Variants in ALK observed in about 807,000 individuals in gnomAD.
ALK encodes the protein ALK receptor tyrosine kinase.
A neutral mutation model predicts 163.1 loss-of-function variants in ALK; 74 were observed. The ratio of observed to expected loss-of-function variants is 0.45; its 90% CI spans 0.38 to 0.55. The LOEUF (loss-of-function observed/expected upper bound fraction) is 0.55. Among genes scored for constraint, ALK ranks in the 20% least tolerant of loss-of-function variants. The pLI, the probability that ALK is intolerant of heterozygous loss-of-function variation, is 0.00. For synonymous variants in ALK, 960 were observed against 843.2 expected (o/e 1.14, Z -2.40); for missense variants, 2,063 against 2,105.3 (o/e 0.98, Z 0.39).
intron 1 of ALK, among the ~76,000 whole-genome samples, chr2:29,801,011 G>A (rs1369111596): frequency 6.6e-6 from 1 of 152,044 alleles, no homozygotes; most frequent in Non-Finnish European, 1.5e-5. Flanking sequence ...CACTGTGAGG[G>A]GCAGAGCAAC....
chr2:29,464,355 T>A (rs1671155583), intron 4 of ALK, among the ~76,000 whole-genome samples: 1 of 152,136 alleles, frequency 6.6e-6, no homozygotes, highest in Admixed American at 6.5e-5. Context: ...AGAACTGGAG[T>A]ATAAATATGC....
chr2:29,229,206 TG>T (rs1664116439), intron 15 of ALK, 140 bp from the exon 16 acceptor site: 7 of 765,996 alleles, frequency 9.1e-6, no homozygotes, highest in South Asian at 7.4e-5. Flanking sequence ...CAGTGGGGCC[TG>T]GGGGCTTCAG....
intron 3 of ALK, among the ~76,000 whole-genome samples, chr2:29,604,347 G>A (rs1201483636): frequency 6.6e-6 from 1 of 152,052 alleles, no homozygotes; most frequent in Non-Finnish European, 1.5e-5. Context: ...TGGCAGAGTC[G>A]AGTAGTTACA....
intron 1 of ALK, among the ~76,000 whole-genome samples, chr2:29,802,709 T>C (rs1399330968): frequency 6.6e-6 from 1 of 152,050 alleles, no homozygotes; most frequent in Non-Finnish European, 1.5e-5. Context: ...AATATGATTT[T>C]TAGATCACTG....
chr2:29,539,313 T>TA (rs1157338239), intron 3 of ALK, among the ~76,000 whole-genome samples: 6 of 152,196 alleles, frequency 3.9e-5, no homozygotes, highest in South Asian at 2.1e-4. Context: ...CTTGCATTGT[T>TA]ACTTGTCAAA....
At chr2:29,828,934 G>C (rs536492487) in intron 1 of ALK, among the ~76,000 whole-genome samples, 1 of 151,936 alleles carries the variant, frequency 6.6e-6, no homozygotes, top group African/African-American at 2.4e-5. Flanking sequence ...AACAATGATA[G>C]ACTGGATTAA....
chr2:29,808,778 C>T (rs758477812), intron 1 of ALK, among the ~76,000 whole-genome samples: 1 of 152,188 alleles, frequency 6.6e-6, no homozygotes, highest in Non-Finnish European at 1.5e-5. Flanking sequence ...AAAGTCCATC[C>T]TCCACTGCCT....
intron 9 of ALK, among the ~76,000 whole-genome samples, chr2:29,278,060 A>G (rs538748190): frequency 6.6e-5 from 10 of 152,146 alleles, no homozygotes; most frequent in Admixed American, 2.0e-4. Flanking sequence ...GCTCAGAGGA[A>G]GGGGGAATTA....
intron 1 of ALK, among the ~76,000 whole-genome samples, chr2:29,735,681 C>T (rs562194415): frequency 1.3e-5 from 2 of 152,154 alleles, no homozygotes; most frequent in African/African-American, 4.8e-5. Context: ...CAGTTACCCC[C>T]ATGCTGCTGT....
intron 1 of ALK, among the ~76,000 whole-genome samples, chr2:29,773,788 A>T (rs1432982104): frequency 6.6e-6 from 1 of 152,216 alleles, no homozygotes; most frequent in East Asian, 1.9e-4. Flanking sequence ...AAAAAATAAG[A>T]CTTCAAAGAG....
chr2:29,416,461 G>A (rs533067969), intron 4 of ALK, among the ~76,000 whole-genome samples: 15 of 152,178 alleles, frequency 9.9e-5, no homozygotes, highest in Non-Finnish European at 1.8e-4. Flanking sequence ...GCATCTAAGG[G>A]CCAGGCTTCA....
chr2:29,890,104 G>A (rs1667106546), intron 1 of ALK, among the ~76,000 whole-genome samples: 1 of 152,184 alleles, frequency 6.6e-6, no homozygotes, highest in African/African-American at 2.4e-5. Context: ...TCTTTAACCA[G>A]GCATTTATCT....
Position 29,666,609 on chromosome 2 carries a change from C to A in ALK, c.952+28241G>T, listed in dbSNP as rs1171243050. 2.0e-5 allele frequency among the ~76,000 whole-genome samples: 3 copies of A among 152,182 alleles called. No individual in the cohort carries two copies. In the East Asian group the frequency reaches 5.8e-4, roughly 29 times the overall value. ...GAACTTCCTAATTTCTCATCCAGGA[C>A]TATTCTGAAAGAGGATGATGGGCTG... is the stretch of plus-strand genomic sequence containing the variant. On this transcript the variant is annotated intron_variant, in intron 3 of 28. Coordinates refer to ENST00000389048, the MANE Select transcript of ALK (RefSeq NM_004304.5).
At chr2:29,558,360 T>TA (rs1553332044) in intron 3 of ALK, among the ~76,000 whole-genome samples, 1 of 152,190 alleles carries the variant, frequency 6.6e-6, no homozygotes, top group Non-Finnish European at 1.5e-5. Context: ...CTTGGAGCTT[T>TA]GTGGCTTTTT....
intron 1 of ALK, among the ~76,000 whole-genome samples, chr2:29,771,140 CACAG>C (rs1465405638): frequency 2.0e-5 from 3 of 152,052 alleles, no homozygotes; most frequent in Non-Finnish European, 4.4e-5. Flanking sequence ...CAAATACACA[CACAG>C]ACATAGATGC....
intron 5 of ALK, among the ~76,000 whole-genome samples, chr2:29,342,858 C>G (rs367675546): frequency 7.4e-5 from 11 of 147,936 alleles, no homozygotes; most frequent in Non-Finnish European, 1.2e-4. Flanking sequence ...TAACCCGACA[C>G]GGCTGTGTGC....
At chr2:29,823,136 G>A (rs998200305) in intron 1 of ALK, among the ~76,000 whole-genome samples, 2 of 152,180 alleles carry the variant, frequency 1.3e-5, no homozygotes, top group African/African-American at 4.8e-5. Context: ...ATAAAGATGA[G>A]TTCCCTTGCA....
At chr2:29,483,611 C>T (rs906386821) in intron 4 of ALK, among the ~76,000 whole-genome samples, 2 of 152,160 alleles carry the variant, frequency 1.3e-5, no homozygotes, top group African/African-American at 2.4e-5. Context: ...TTTTAACATA[C>T]AGAAATGCAT....
intron 7 of ALK, among the ~76,000 whole-genome samples, chr2:29,318,727 C>T (rs981224296): frequency 7.9e-5 from 12 of 151,990 alleles, no homozygotes; most frequent in African/African-American, 2.7e-4. Context: ...CCACCACGCC[C>T]GGCTAATTTT....
Sources: gnomAD v4.1 joint callset for allele counts (sites outside exome capture counted in the v4.1 genomes callset) on GRCh38, gnomAD v4.1.1 for gene constraint, MANE v1.5 for transcripts, NCBI Gene and HGNC (gene_info 2026-07-23, HGNC 2026-07-21) for gene names.